The following CHRD variants were observed in gnomAD, a reference collection of about 807,000 sequenced individuals.
CHRD encodes chordin.
In CHRD, 69 loss-of-function variants were observed where a neutral mutation model predicts 113.7. That is an observed-to-expected ratio of 0.61 (90% CI 0.50 to 0.74). CHRD has a LOEUF of 0.74. CHRD is among the 30% of genes least tolerant of loss of function. The pLI is 0.00. For synonymous variants in CHRD, 561 were observed against 540.8 expected, an observed-to-expected ratio of 1.04 and a Z score of -0.52; for missense variants, 1,194 against 1,295.8, an observed-to-expected ratio of 0.92 and a Z score of 1.21.
chr3:184,384,753 G>T lies in CHRD; in HGVS notation c.1597+60G>T, dbSNP rs1716017603. 1.3e-6 allele frequency: 2 copies of T among 1,497,850 alleles called. No homozygotes were observed. Among genetic ancestry groups the T allele is most frequent in the South Asian group, 2.7e-5 (2 of 73,494 alleles). 92.8% of individuals were successfully genotyped at this position (1,497,850 alleles called of 1,614,324 possible). ...TTCCTAGAACATTTGAGGGATGGTGGCAGACAGCCGGAGCCTGGTGTGTCT... is the reference window on the plus strand; with the variant it reads ...TTCCTAGAACATTTGAGGGATGGTGTCAGACAGCCGGAGCCTGGTGTGTCT... On this transcript the variant is annotated intron_variant, in intron 13 of 22. Transcript: ENST00000204604. This position sits in a 1 kb window ranked among gnomAD's most constrained non-coding sequence, Gnocchi z 4.4.
At chr3:184,383,722 C>A in intron 12 of CHRD, 80 bp downstream of exon 12, 14 of 1,296,132 alleles carry the variant, frequency 1.1e-5, no homozygotes, top group African/African-American at 1.5e-5. Flanking sequence ...CAGGGATGTT[C>A]ATTATCATCC....
In CHRD at chr3:184,384,610, T is replaced by C; in HGVS notation, c.1514T>C (p.Val505Ala). 6.2e-7 allele frequency: 1 copy of C among 1,609,964 alleles called. No homozygotes were observed. Among genetic ancestry groups the C allele is most frequent in the Non-Finnish European group, 8.5e-7 (1 of 1,178,140 alleles). ...CTGCAGAATGAGCTCTTCCTGAACG[T>C]GGGCACCAAGGACTTCCCAGACGGA... The change falls in exon 13 of 23, where the codon GTG becomes GCG. Residue 505 changes from valine to alanine, a missense_variant. Coordinates refer to ENST00000204604, the Ensembl canonical transcript of CHRD. This position sits in a 1 kb window ranked among gnomAD's most constrained non-coding sequence, Gnocchi z 4.4.
At chr3:184,389,601 G>A in exon 23 of CHRD, 1 of 607,242 alleles carries the variant, frequency 1.6e-6, no homozygotes, top group South Asian at 2.0e-5. Flanking sequence ...AGAGGCAGCT[G>A]GGCCAGACCG....
In CHRD at chr3:184,380,905, TG is replaced by T. The variant is rs1715249898; in HGVS notation, c.252+114del. 1 of 864,226 alleles carries T rather than the reference TG, an allele frequency of 1.2e-6. No individual in the cohort carries two copies. The highest frequency in any genetic ancestry group is 1.8e-6 in the Non-Finnish European group (1 of 546,710). 53.5% of individuals were successfully genotyped at this position (864,226 alleles called of 1,614,324 possible). On this transcript the variant is annotated intron_variant, in intron 2 of 22. Coordinates refer to ENST00000204604, the Ensembl canonical transcript of CHRD. This position sits in a 1 kb window ranked among gnomAD's most constrained non-coding sequence, Gnocchi z 6.3. ...GAGAAGGAGCCCAGTCGGCAGATGT[TG>T]GGGATATTTTTCTGGTGGAGGAAGG...
chr3:184,381,754 G>C lies in CHRD; in HGVS notation c.550G>C (p.Val184Leu). The change falls in exon 5 of 23, where the codon GTG becomes CTG. Residue 184 changes from valine to leucine, a missense_variant. Physicochemically the swap from Val to Leu is conservative, Grantham distance 32. Coordinates refer to ENST00000204604, the Ensembl canonical transcript of CHRD. This position sits in a 1 kb window ranked among gnomAD's most constrained non-coding sequence, Gnocchi z 4.7. ...GCTGACAGGGCCGAGGTCGCAGGCGGTGGCACGAGCCCGAGTCTCGCTGCT... is the reference window on the plus strand; with the variant it reads ...GCTGACAGGGCCGAGGTCGCAGGCGCTGGCACGAGCCCGAGTCTCGCTGCT... 6.2e-7 allele frequency: 1 copy of C among 1,613,222 alleles called. No homozygotes were observed.
Position 184,380,298 on chromosome 3 carries a change from C to T in CHRD, c.-21C>T, listed in dbSNP as rs763562339. 5 of 1,268,322 alleles carry T rather than the reference C, an allele frequency of 3.9e-6. No homozygotes were observed. In the South Asian group the frequency reaches 9.4e-5, roughly 24 times the overall value. 78.6% of individuals were successfully genotyped at this position (1,268,322 alleles called of 1,614,324 possible). A position where few individuals can be genotyped will look rare whatever the true frequency, so the allele number is the denominator to read the frequency against. On this transcript the variant is annotated 5_prime_UTR_variant, in exon 1 of 23. Coordinates refer to ENST00000204604, the Ensembl canonical transcript of CHRD. The surrounding 1 kb of genome is among the most constrained non-coding windows in gnomAD (Gnocchi z 6.3). ...CCCGCGCCCTCCTCCCTCCCTCCTC[C>T]CCAGCTGTCCCGTTCGCGTCATGCC...
At position 184,380,513 on chromosome 3, in the gene CHRD, G is replaced by A; in HGVS notation, c.148+47G>A. The A allele has an allele frequency of 3.6e-6, 4 of 1,125,850 alleles. No homozygotes were observed. The highest frequency in any genetic ancestry group is 4.4e-6 in the Non-Finnish European group (4 of 914,474). The allele number at this position is 1,125,850 out of a possible 1,614,324, so 69.7% of individuals were successfully genotyped here. ...GCGCGGGCGGGGAGTCGGGCTCGGG[G>A]CGAGTCAGCGCCAGCCCGGAGGGGG... On this transcript the variant is annotated intron_variant, in intron 1 of 22. Coordinates refer to ENST00000204604, the Ensembl canonical transcript of CHRD. The surrounding 1 kb of genome is among the most constrained non-coding windows in gnomAD (Gnocchi z 6.3).
In CHRD at chr3:184,380,199, G is replaced by A. The variant is rs1371216888; in HGVS notation, c.-120G>A. The A allele has an allele frequency of 5.3e-5, 3 of 56,310 alleles. No individual in the cohort carries two copies. The highest frequency in any genetic ancestry group is 5.1e-4 in the South Asian group (1 of 1,948). The allele number at this position is 56,310 out of a possible 1,614,324, so 3.5% of individuals were successfully genotyped here. ...CTGCCCCGGCCCCGGCCCCGGCCCCGGCCCCCTCCCGCCGCACCGCCCCCG... is the reference window on the plus strand; with the variant it reads ...CTGCCCCGGCCCCGGCCCCGGCCCCAGCCCCCTCCCGCCGCACCGCCCCCG... On this transcript the variant is annotated 5_prime_UTR_variant, in exon 1 of 23. Transcript: ENST00000204604. This position sits in a 1 kb window ranked among gnomAD's most constrained non-coding sequence, Gnocchi z 6.3.
Position 184,386,175 on chromosome 3 carries a change from G to A in CHRD, c.1932+16G>A. ...CCGAGGGCAGGTAGGTGGCGAGTGT[G>A]GGCAGTGGGGGCAGTGGGGAGGGTG... On this transcript the variant is annotated intron_variant, in intron 15 of 22. Coordinates refer to ENST00000204604, the Ensembl canonical transcript of CHRD. 1 of 1,606,310 alleles carries A rather than the reference G, an allele frequency of 6.2e-7. No individual in the cohort carries two copies. Among genetic ancestry groups the A allele is most frequent in the Non-Finnish European group, 8.5e-7 (1 of 1,173,246 alleles).
rs1401938814 is a variant in CHRD, at chr3:184,380,675, C to T, written c.149-17C>T. ...CGCGAGCTGGGCAGCGGCCTCCAGC[C>T]AAGCCCGTCCCCGCAGGCTGCACCT... On this transcript the variant is annotated splice_polypyrimidine_tract_variant and intron_variant, in intron 1 of 22. Transcript: ENST00000204604. This position sits in a 1 kb window ranked among gnomAD's most constrained non-coding sequence, Gnocchi z 6.3. The T allele has an allele frequency of 1.9e-6, 3 of 1,566,394 alleles. No individual in the cohort carries two copies. The highest frequency in any genetic ancestry group is 2.6e-6 in the Non-Finnish European group (3 of 1,163,828).
Position 184,381,061 on chromosome 3 carries a change from AT to A in CHRD, c.253-173del. The A allele has an allele frequency of 1.3e-6, 1 of 791,518 alleles. No homozygotes were observed. The highest frequency in any genetic ancestry group is 2.2e-6 in the Non-Finnish European group (1 of 462,442). 49.0% of individuals were successfully genotyped at this position (791,518 alleles called of 1,614,324 possible). A position where few individuals can be genotyped will look rare whatever the true frequency, so the allele number is the denominator to read the frequency against. The stretch of plus-strand genomic sequence containing the variant: ...GCCTTGCTAGATAGAGAGTATTATT[AT>A]CCCCATTTTCCAGACAGGGACCTTG... On this transcript the variant is annotated intron_variant, in intron 2 of 22. Transcript: ENST00000204604. The surrounding 1 kb of genome is among the most constrained non-coding windows in gnomAD (Gnocchi z 4.7).
Position 184,380,868 on chromosome 3 carries a change from C to T in CHRD, c.252+73C>T, listed in dbSNP as rs762871495. 8 of 1,154,434 alleles carry T rather than the reference C, an allele frequency of 6.9e-6. No homozygotes were observed. The highest frequency in any genetic ancestry group is 9.8e-6 in the Non-Finnish European group (8 of 817,000). 71.5% of individuals were successfully genotyped at this position (1,154,434 alleles called of 1,614,324 possible). A position where few individuals can be genotyped will look rare whatever the true frequency, so the allele number is the denominator to read the frequency against. ...CGGGTCGCGCGGGCGTCGGAGTGGA[C>T]TCGGAGCTGCTGAGAAGGAGCCCAG... On this transcript the variant is annotated intron_variant, in intron 2 of 22. Coordinates refer to ENST00000204604, the Ensembl canonical transcript of CHRD. The surrounding 1 kb of genome is among the most constrained non-coding windows in gnomAD (Gnocchi z 6.3).
rs571451090 is a variant in CHRD, at chr3:184,383,260, G to A, written c.1214-52G>A. The A allele has an allele frequency of 2.3e-4, 359 of 1,593,966 alleles. 4 individuals carry two copies. The South Asian group carries it at 3.8e-3, about 17-fold the overall frequency. ...GTGGGAGAGATCCTGTGGACTGGGG[G>A]TGTAAGCGGCCATGGGGTAAACCTA... On this transcript the variant is annotated intron_variant, in intron 10 of 22. Coordinates refer to ENST00000204604, the Ensembl canonical transcript of CHRD.
At chr3:184,386,283 C>T (rs999312422) in intron 15 of CHRD, 124 bp downstream of exon 15, 3 of 1,236,704 alleles carry the variant, frequency 2.4e-6, no homozygotes, top group Non-Finnish European at 3.4e-6. Context: ...ACAGCGCCCC[C>T]CCGGCTGGTG....
In CHRD at chr3:184,388,468, C is replaced by T. The variant is rs1212787232; in HGVS notation, c.2555-119C>T. The T allele has an allele frequency of 5.3e-6, 6 of 1,122,304 alleles. No homozygotes were observed. Among genetic ancestry groups the T allele is most frequent in the Non-Finnish European group, 7.6e-6 (6 of 787,594 alleles). 69.5% of individuals were successfully genotyped at this position (1,122,304 alleles called of 1,614,324 possible). A position where few individuals can be genotyped will look rare whatever the true frequency, so the allele number is the denominator to read the frequency against. On this transcript the variant is annotated intron_variant, in intron 20 of 22. Transcript: ENST00000204604. This position sits in a 1 kb window ranked among gnomAD's most constrained non-coding sequence, Gnocchi z 6.1. ...CCATCCATTCATCTGCCCACCCACC[C>T]ATCCAAATTTATCACCTACTAAGTG...
At chr3:184,382,468 C>T (rs1490182810) in exon 7 of CHRD, 2 of 1,613,988 alleles carry the variant, frequency 1.2e-6, no homozygotes, top group South Asian at 1.1e-5. Flanking sequence ...GCACTTGTGA[C>T]ACTCACTCAC....
At position 184,384,987 on chromosome 3, in the gene CHRD, C is replaced by T. The variant is rs755088860; in HGVS notation, c.1598-31C>T. Reference sequence around the variant, plus strand: ...GAGGGCTTGCCCTAGGCCACCTTCTCACCTGTCATCTCTCCTCTGTCTGGA... The same window carrying T: ...GAGGGCTTGCCCTAGGCCACCTTCTTACCTGTCATCTCTCCTCTGTCTGGA... On this transcript the variant is annotated intron_variant, in intron 13 of 22. Transcript: ENST00000204604. The surrounding 1 kb of genome is among the most constrained non-coding windows in gnomAD (Gnocchi z 4.4). 10 of 1,605,814 alleles carry T rather than the reference C, an allele frequency of 6.2e-6. No individual in the cohort carries two copies. In the Admixed American group the frequency reaches 1.5e-4, roughly 24 times the overall value.
exon 16 of CHRD, chr3:184,386,646 C>G: frequency 6.2e-7 from 1 of 1,610,686 alleles, no homozygotes; most frequent in Non-Finnish European, 8.5e-7. Context: ...CCTGGTGGTC[C>G]TGGGCGGCCC....
In CHRD at chr3:184,384,351, T is replaced by C. The variant is rs907966840; in HGVS notation, c.1441-186T>C. 1.2e-4 allele frequency among the ~76,000 whole-genome samples: 19 copies of C among 152,238 alleles called. No individual in the cohort carries two copies. The highest frequency in any genetic ancestry group is 4.6e-4 in the African/African-American group (19 of 41,458). ...AAGACTTGGAGAAGTTAAGTTACTC[T>C]TGAAGGTTGTTACATAGCTAGGAAG... On this transcript the variant is annotated intron_variant, in intron 12 of 22. Transcript: ENST00000204604. The surrounding 1 kb of genome is among the most constrained non-coding windows in gnomAD (Gnocchi z 4.4).
Sources: gnomAD v4.1 joint callset for allele counts (sites outside exome capture counted in the v4.1 genomes callset) on GRCh38, gnomAD v4.1.1 for gene constraint, Gnocchi (gnomAD v3.1) non-coding constraint, MANE v1.5 for transcripts, NCBI Gene and HGNC (gene_info 2026-07-23, HGNC 2026-07-21) for gene names.